The following CDH10 variants were observed in gnomAD, a reference collection of about 807,000 sequenced individuals.
The protein encoded by CDH10 is cadherin-10.
A neutral mutation model predicts 73.1 loss-of-function variants in CDH10; 30 were observed. That is an observed-to-expected ratio of 0.41 (90% CI 0.31 to 0.56). The LOEUF (loss-of-function observed/expected upper bound fraction) is 0.56. Ranked by LOEUF, CDH10 falls within the 20% of genes least tolerant of loss-of-function variation. CDH10 has a pLI of 0.27. For synonymous variants in CDH10, 345 were observed against 348.2 expected, an observed-to-expected ratio of 0.99 and a Z score of 0.10; for missense variants, 815 against 973.7, an observed-to-expected ratio of 0.84 and a Z score of 2.17.
intron 5 of CDH10, among the ~76,000 whole-genome samples, chr5:24,527,387 C>T (rs952916512): frequency 6.7e-6 from 1 of 148,936 alleles, no homozygotes; most frequent in African/African-American, 2.5e-5. Flanking sequence ...TAAACATGTA[C>T]ACACATATTA....
intron 5 of CDH10, among the ~76,000 whole-genome samples, chr5:24,526,958 C>A (rs954357203): frequency 1.3e-5 from 2 of 151,706 alleles, no homozygotes; most frequent in Non-Finnish European, 2.9e-5. Flanking sequence ...CCTTTAACAA[C>A]AATAACCACC....
intron 1 of CDH10, among the ~76,000 whole-genome samples, chr5:24,614,563 A>G (rs1485637683): frequency 6.6e-6 from 1 of 152,168 alleles, no homozygotes; most frequent in East Asian, 1.9e-4. Context: ...TGGGTCAGGG[A>G]TGAACGTCTC....
chr5:24,550,030 A>C (rs1579794452), intron 2 of CDH10, among the ~76,000 whole-genome samples: 1 of 152,340 alleles, frequency 6.6e-6, no homozygotes, highest in East Asian at 1.9e-4. Flanking sequence ...AGGCCTAAGG[A>C]AAATGATCCC....
At position 24,594,071 on chromosome 5, in the gene CDH10, T is replaced by G. The variant is rs138631481; in HGVS notation, c.-123-458A>C. Among the ~76,000 whole-genome samples, 548 of 151,818 alleles carry G rather than the reference T, an allele frequency of 3.6e-3. 1 individual carries two copies. Among genetic ancestry groups the G allele is most frequent in the Middle Eastern group, 0.014 (4 of 294 alleles). ...AAACAGCAGCATCATTTCTTCAAAT[T>G]TAATCCTACTCAGAGGTAAAAGTAA... On this transcript the variant is annotated intron_variant, in intron 1 of 11. Coordinates refer to ENST00000264463, the MANE Select transcript of CDH10 (RefSeq NM_006727.5).
At chr5:24,575,712 T>C (rs940751339) in intron 2 of CDH10, among the ~76,000 whole-genome samples, 1 of 152,130 alleles carries the variant, frequency 6.6e-6, no homozygotes, top group African/African-American at 2.4e-5. Flanking sequence ...TTTTGTAACA[T>C]TGTTTCCAGT....
chr5:24,558,307 A>G (rs9293136), intron 2 of CDH10, among the ~76,000 whole-genome samples: 323 of 151,832 alleles, frequency 2.1e-3, no homozygotes, highest in African/African-American at 7.4e-3. Context: ...TTAATAGCTC[A>G]TTATTATAAA....
intron 1 of CDH10, among the ~76,000 whole-genome samples, chr5:24,620,234 C>T (rs887333565): frequency 6.6e-5 from 10 of 152,096 alleles, no homozygotes; most frequent in South Asian, 2.1e-4. Flanking sequence ...TGTTTTCTGA[C>T]GTCCTTTTGT....
At chr5:24,524,491 C>T (rs1256023485) in intron 5 of CDH10, among the ~76,000 whole-genome samples, 1 of 114,534 alleles carries the variant, frequency 8.7e-6, no homozygotes, top group Non-Finnish European at 2.0e-5. Flanking sequence ...TTTGCATGCT[C>T]CTTATTTTTT....
intron 5 of CDH10, among the ~76,000 whole-genome samples, chr5:24,525,619 G>C (rs1743501847): frequency 6.6e-6 from 1 of 152,044 alleles, no homozygotes; most frequent in Non-Finnish European, 1.5e-5. Context: ...GGGCATTTAG[G>C]AGAAAGCAGA....
chr5:24,535,776 T>G lies in CDH10; in HGVS notation c.573A>C (p.Ser191=). 1.9e-6 allele frequency: 3 copies of G among 1,610,474 alleles called. No individual in the cohort carries two copies. Among genetic ancestry groups the G allele is most frequent in the Non-Finnish European group, 2.5e-6 (3 of 1,177,374 alleles). Residue 191 remains serine, a synonymous_variant, in exon 4 of 12, where the codon TCA becomes TCC. Transcript: ENST00000264463. ...AAATGACTCTGGCGCTGTTCCCATATGAAGGGTCATCGGCATCTGTAGCTG... is the reference window on the plus strand; with the variant it reads ...AAATGACTCTGGCGCTGTTCCCATAGGAAGGGTCATCGGCATCTGTAGCTG... ...QVTATDADDP[S]YGNSARVIYS...
intron 2 of CDH10, among the ~76,000 whole-genome samples, chr5:24,554,432 T>G (rs1744684051): frequency 6.6e-6 from 1 of 152,058 alleles, no homozygotes; most frequent in Non-Finnish European, 1.5e-5. Context: ...TTATTTTCTC[T>G]GCATATTCTC....
At chr5:24,546,620 A>T (rs1043416615) in intron 2 of CDH10, among the ~76,000 whole-genome samples, 1 of 152,166 alleles carries the variant, frequency 6.6e-6, no homozygotes, top group African/African-American at 2.4e-5. Flanking sequence ...GTATATATGT[A>T]TATATAACTG....
intron 2 of CDH10, among the ~76,000 whole-genome samples, chr5:24,555,677 TGA>T (rs973138754): frequency 2.6e-5 from 4 of 152,068 alleles, no homozygotes; most frequent in Admixed American, 6.6e-5. Flanking sequence ...TCATCAGAAA[TGA>T]GAGAGAGAGA....
intron 4 of CDH10, 33 bp downstream of exon 4, chr5:24,535,670 C>T (rs2111881834): frequency 6.3e-7 from 1 of 1,587,860 alleles, no homozygotes; most frequent in Non-Finnish European, 8.6e-7. Flanking sequence ...TAAAGATGAT[C>T]AAATGAACAA....
chr5:24,510,107 C>CA (rs1173845693), intron 6 of CDH10, among the ~76,000 whole-genome samples: 1 of 152,102 alleles, frequency 6.6e-6, no homozygotes, highest in Non-Finnish European at 1.5e-5. Context: ...GGTACCATTA[C>CA]AAAAAATGGG....
intron 6 of CDH10, 144 bp downstream of exon 6, chr5:24,511,183 T>C: frequency 1.9e-6 from 1 of 518,082 alleles, no homozygotes. Flanking sequence ...TGGCTTTATG[T>C]CTTTCTTATG....
chr5:24,512,795 C>T (rs999910825), intron 5 of CDH10, among the ~76,000 whole-genome samples: 1 of 152,132 alleles, frequency 6.6e-6, no homozygotes, highest in Non-Finnish European at 1.5e-5. Context: ...CCTTCTTGCT[C>T]ATAAACCTTA....
At chr5:24,555,551 G>A (rs1230277821) in intron 2 of CDH10, among the ~76,000 whole-genome samples, 1 of 152,208 alleles carries the variant, frequency 6.6e-6, no homozygotes, top group Admixed American at 6.5e-5. Context: ...GGGTGATGTG[G>A]CATCACAACT....
intron 3 of CDH10, 109 bp downstream of exon 3, chr5:24,537,271 T>C: frequency 2.8e-6 from 2 of 725,914 alleles, no homozygotes; most frequent in East Asian, 2.7e-5. Flanking sequence ...TATGTACTCA[T>C]GGTAGCAAAT....
Sources: allele counts gnomAD v4.1 joint callset (sites outside exome capture counted in the v4.1 genomes callset), GRCh38; gene constraint gnomAD v4.1.1; transcripts MANE v1.5; gene names NCBI Gene and HGNC (gene_info 2026-07-23, HGNC 2026-07-21).